PTPRM: variants seen among roughly 807,000 people sequenced by gnomAD.
The protein encoded by PTPRM is receptor-type tyrosine-protein phosphatase mu.
In PTPRM, 47 loss-of-function variants were observed where a neutral mutation model predicts 186.7. That is an observed-to-expected ratio of 0.25 (90% CI 0.20 to 0.32). PTPRM has a LOEUF of 0.32. Among genes scored for constraint, PTPRM ranks in the 10% least tolerant of loss-of-function variants. The pLI, the probability that PTPRM is intolerant of heterozygous loss-of-function variation, is 1.00. For missense variants in PTPRM, 1,494 were observed against 1,865.0 expected, an observed-to-expected ratio of 0.80 and a Z score of 3.66; for synonymous variants, 668 against 674.9, an observed-to-expected ratio of 0.99 and a Z score of 0.16.
At chr18:8,332,464 T>C (rs924488367) in intron 22 of PTPRM, among the ~76,000 whole-genome samples, 2 of 152,212 alleles carry the variant, frequency 1.3e-5, no homozygotes, top group African/African-American at 4.8e-5. Flanking sequence ...AAACTAAGTA[T>C]GTAGAGAAAG....
intron 7 of PTPRM, among the ~76,000 whole-genome samples, chr18:8,057,030 C>T (rs930516417): frequency 1.3e-5 from 2 of 151,496 alleles, no homozygotes; most frequent in Admixed American, 1.3e-4. Context: ...ACCAGTTAAA[C>T]TAACATAGCT....
chr18:8,289,561 C>CATATATATATAT (rs2095012058), intron 19 of PTPRM, among the ~76,000 whole-genome samples: 3 of 76,862 alleles, frequency 3.9e-5, no homozygotes, highest in South Asian at 4.7e-4. Context: ...CATATATATA[C>CATATATATATAT]ACATATATAT....
intron 23 of PTPRM, among the ~76,000 whole-genome samples, chr18:8,345,681 A>G (rs2095501158): frequency 1.3e-5 from 2 of 151,232 alleles, no homozygotes; most frequent in East Asian, 3.9e-4. Flanking sequence ...AAATACATAA[A>G]TTATATACAT....
intron 17 of PTPRM, among the ~76,000 whole-genome samples, chr18:8,249,099 G>A (rs1458224080): frequency 6.6e-6 from 1 of 152,094 alleles, no homozygotes; most frequent in African/African-American, 2.4e-5. Flanking sequence ...ACGACTTCAA[G>A]GTATATAACA....
intron 13 of PTPRM, among the ~76,000 whole-genome samples, chr18:8,121,082 T>C (rs1411429597): frequency 1.3e-5 from 2 of 152,234 alleles, no homozygotes; most frequent in African/African-American, 4.8e-5. Context: ...AGCTGCCTAT[T>C]CTCTGACCAA....
chr18:8,244,166 C>A lies in PTPRM; in HGVS notation c.2409C>A (p.Asp803Glu), dbSNP rs143808742. Residue 803 changes from aspartate to glutamate, a missense_variant, in exon 15 of 33, where the codon GAC (aspartate) becomes GAA (glutamate). By Grantham distance (45) the Asp-to-Glu change is conservative. This residue lies in a region of PTPRM where 1,107 missense variants were observed against 1,350.2 expected (regional missense o/e 0.82). Coordinates refer to ENST00000580170, the MANE Select transcript of PTPRM (RefSeq NM_001105244.2). The stretch of plus-strand genomic sequence containing the variant: ...ATGCTGAGCAGGGCACAAACTGCGA[C>A]GAGGCTTTCTCATTCATGGACACGC... ...KSYAEQGTNCDEAFSFMDTHN... is the reference protein window; with the variant it reads ...KSYAEQGTNCEEAFSFMDTHN... The A allele has an allele frequency of 3.8e-6, 6 of 1,596,172 alleles. No homozygotes were observed. The highest frequency in any genetic ancestry group is 5.1e-6 in the Non-Finnish European group (6 of 1,173,700).
Position 8,143,721 on chromosome 18 carries a change from G to T in PTPRM, c.2242G>T (p.Ala748Ser). The T allele has an allele frequency of 6.2e-7, 1 of 1,613,852 alleles. No homozygotes were observed. The highest frequency in any genetic ancestry group is 2.2e-5 in the East Asian group (1 of 44,874). The change falls in exon 14 of 33, where the codon GCG (alanine) becomes TCG (serine). Residue 748 changes from alanine (A) to serine (S), a missense_variant. Transcript: ENST00000580170. ...DHTVKIAGVI[A>S]GILLFVIIFL... The stretch of plus-strand genomic sequence containing the variant: ...TACAGTTAAAATTGCTGGAGTCATC[G>T]CGGGCATCTTGCTGTTCGTGATTAT...
At chr18:8,173,532 A>T (rs1004475438) in intron 14 of PTPRM, among the ~76,000 whole-genome samples, 5 of 152,228 alleles carry the variant, frequency 3.3e-5, no homozygotes, top group African/African-American at 4.8e-5. Context: ...AGATAAAACC[A>T]ATTCACTGAG....
chr18:7,885,394 C>A (rs1025087075), intron 2 of PTPRM, among the ~76,000 whole-genome samples: 1 of 152,186 alleles, frequency 6.6e-6, no homozygotes, highest in Non-Finnish European at 1.5e-5. Context: ...CTTCTTGCCA[C>A]TCCTTGCATT....
intron 2 of PTPRM, among the ~76,000 whole-genome samples, chr18:7,821,947 ATT>A (rs549757669): frequency 1.3e-5 from 2 of 152,186 alleles, no homozygotes; most frequent in South Asian, 4.1e-4. Context: ...GCCCCATGAT[ATT>A]TTTGGACCAT....
chr18:7,779,132 G>T (rs542621658), intron 2 of PTPRM, among the ~76,000 whole-genome samples: 1 of 152,240 alleles, frequency 6.6e-6, no homozygotes, highest in East Asian at 1.9e-4. Flanking sequence ...TATAATCATA[G>T]CTATAACCGT....
At chr18:7,774,356 G>A in intron 2 of PTPRM, 85 bp downstream of exon 2, 4 of 1,505,058 alleles carry the variant, frequency 2.7e-6, no homozygotes, top group Non-Finnish European at 3.6e-6. Flanking sequence ...TTGGTTAAAT[G>A]AGTGACGGTG....
chr18:8,101,766 C>T (rs1046135811), intron 11 of PTPRM, among the ~76,000 whole-genome samples: 1 of 152,166 alleles, frequency 6.6e-6, no homozygotes, highest in African/African-American at 2.4e-5. Context: ...CGTGAGCTGT[C>T]AGGACCTTGC....
chr18:8,237,569 C>T (rs2094361242), intron 14 of PTPRM, among the ~76,000 whole-genome samples: 1 of 151,346 alleles, frequency 6.6e-6, no homozygotes, highest in Non-Finnish European at 1.5e-5. Context: ...CTGCCTCAGC[C>T]TTCTGAGTAG....
chr18:7,602,669 T>G (rs28507304), intron 1 of PTPRM, among the ~76,000 whole-genome samples: 14,515 of 151,820 alleles, frequency 0.096, 1,147 homozygotes, highest in African/African-American at 0.22. Flanking sequence ...TTAAAGCATA[T>G]TATTTACTAT....
intron 3 of PTPRM, among the ~76,000 whole-genome samples, chr18:7,903,533 G>A (rs374388861): frequency 2.6e-5 from 4 of 152,210 alleles, no homozygotes; most frequent in East Asian, 3.9e-4. Flanking sequence ...TTTTCCTTTT[G>A]TACTCTCAGT....
rs1041005171 is a variant in PTPRM at position 7,918,669 on chromosome 18, A to G, written c.548-7899A>G. Among the ~76,000 whole-genome samples the G allele has an allele frequency of 2.0e-5, 3 of 152,108 alleles. No homozygotes were observed. In the East Asian group the frequency reaches 5.8e-4, roughly 29 times the overall value. On this transcript the variant is annotated intron_variant, in intron 4 of 32. Transcript: ENST00000580170. ...GACTATTTGTATTTTTGCTTGAGTT[A>G]TTTGAGCTTCTTGTATATTCTGATG...
chr18:7,736,176 TGAGA>T (rs1395554490), intron 1 of PTPRM, among the ~76,000 whole-genome samples: 2 of 152,182 alleles, frequency 1.3e-5, no homozygotes, highest in African/African-American at 4.8e-5. Context: ...ACTTCAGGGC[TGAGA>T]GACAAGTGAC....
chr18:8,273,323 C>A (rs933457716), intron 19 of PTPRM, among the ~76,000 whole-genome samples: 9 of 152,144 alleles, frequency 5.9e-5, no homozygotes, highest in Non-Finnish European at 1.2e-4. Context: ...GAGTGAATAT[C>A]TGTAATTTAC....
Sources: allele counts gnomAD v4.1 joint callset (sites outside exome capture counted in the v4.1 genomes callset), GRCh38; gene constraint gnomAD v4.1.1; regional missense constraint gnomAD v4.1.1; transcripts MANE v1.5; gene names NCBI Gene and HGNC (gene_info 2026-07-23, HGNC 2026-07-21).